The following GRM5 variants were observed in gnomAD, a reference collection of about 807,000 sequenced individuals.
GRM5 encodes the protein metabotropic glutamate receptor 5.
A neutral mutation model predicts 83.1 loss-of-function variants in GRM5; 19 were observed. The observed-to-expected ratio is 0.23, with a 90% CI of 0.16 to 0.34. The LOEUF is 0.34. Among genes scored for constraint, GRM5 ranks in the 10% least tolerant of loss-of-function variants. GRM5 has a pLI of 1.00. For missense variants in GRM5, 1,160 were observed against 1,588.3 expected (o/e 0.73, Z 4.58); for synonymous variants, 675 against 633.6 (o/e 1.07, Z -0.98).
chr11:89,031,087 C>T (rs1237004542), intron 2 of GRM5, among the ~76,000 whole-genome samples: 1 of 151,896 alleles, frequency 6.6e-6, no homozygotes. Context: ...TATATGGACA[C>T]ATTATATATT....
chr11:88,803,104 T>G (rs922593711), intron 3 of GRM5, among the ~76,000 whole-genome samples: 37 of 146,460 alleles, frequency 2.5e-4, no homozygotes, highest in African/African-American at 9.0e-4. Context: ...AAAATGGCCA[T>G]ACTGCCCAAG....
intron 3 of GRM5, among the ~76,000 whole-genome samples, chr11:88,671,074 C>A (rs1044930334): frequency 6.6e-5 from 10 of 152,000 alleles, no homozygotes; most frequent in Admixed American, 4.6e-4. Context: ...TAATAAAAAA[C>A]CATCTAAATC....
chr11:88,516,678 C>T (rs1050526803), intron 9 of GRM5, among the ~76,000 whole-genome samples: 9 of 151,506 alleles, frequency 5.9e-5, no homozygotes, highest in African/African-American at 1.7e-4. Flanking sequence ...TGTTTATTGT[C>T]AGTGAAGTCT....
At chr11:89,060,902 GTCT>G (rs1244800906) in intron 1 of GRM5, among the ~76,000 whole-genome samples, 5 of 152,040 alleles carry the variant, frequency 3.3e-5, no homozygotes, top group African/African-American at 9.7e-5. Context: ...TGATGCTCAT[GTCT>G]TCTTATGTTC....
At chr11:88,592,853 C>A (rs1937674186) in intron 6 of GRM5, among the ~76,000 whole-genome samples, 1 of 152,104 alleles carries the variant, frequency 6.6e-6, no homozygotes, top group Admixed American at 6.6e-5. Flanking sequence ...TGCATTGTTG[C>A]TTAGGCTGGG....
chr11:88,519,248 A>G (rs1320029654), intron 9 of GRM5, among the ~76,000 whole-genome samples: 1 of 151,888 alleles, frequency 6.6e-6, no homozygotes, highest in African/African-American at 2.4e-5. Flanking sequence ...GAAACACAGC[A>G]TGTCTTAAGT....
intron 2 of GRM5, among the ~76,000 whole-genome samples, chr11:88,853,640 C>T (rs1184029165): frequency 6.6e-6 from 1 of 151,772 alleles, no homozygotes; most frequent in East Asian, 1.9e-4. Flanking sequence ...AAAACTAAAA[C>T]ACTTTTTTTC....
chr11:88,614,589 G>C (rs548643212), intron 4 of GRM5, among the ~76,000 whole-genome samples: 1 of 152,070 alleles, frequency 6.6e-6, no homozygotes, highest in Non-Finnish European at 1.5e-5. Flanking sequence ...TTTTTAATTT[G>C]TAAATTAAAT....
At chr11:88,982,998 G>A (rs1410182040) in intron 2 of GRM5, among the ~76,000 whole-genome samples, 3 of 152,128 alleles carry the variant, frequency 2.0e-5, no homozygotes, top group African/African-American at 4.8e-5. Context: ...CCTGGGAGGC[G>A]GAGGTTGCAG....
At chr11:88,533,547 C>T (rs1193654691) in intron 8 of GRM5, among the ~76,000 whole-genome samples, 2 of 151,798 alleles carry the variant, frequency 1.3e-5, no homozygotes, top group African/African-American at 2.4e-5. Flanking sequence ...TCTGTTTTCC[C>T]CCAGTGGAAT....
At chr11:88,952,172 C>A (rs905954688) in intron 2 of GRM5, among the ~76,000 whole-genome samples, 1 of 152,032 alleles carries the variant, frequency 6.6e-6, no homozygotes, top group South Asian at 2.1e-4. Flanking sequence ...ATGTTCTCTG[C>A]GTTTTCTTTA....
chr11:88,961,866 G>A (rs1410412401), intron 2 of GRM5, among the ~76,000 whole-genome samples: 1 of 152,200 alleles, frequency 6.6e-6, no homozygotes, highest in African/African-American at 2.4e-5. Context: ...CCGGTGATCA[G>A]TGAAATGCTG....
At chr11:88,631,088 C>A (rs1456178943) in intron 4 of GRM5, among the ~76,000 whole-genome samples, 1 of 152,114 alleles carries the variant, frequency 6.6e-6, no homozygotes, top group Non-Finnish European at 1.5e-5. Flanking sequence ...CTAGGCCAAC[C>A]ATGAGGGCTG....
At chr11:89,027,748 GTATT>G (rs1301391821) in intron 2 of GRM5, among the ~76,000 whole-genome samples, 4 of 152,190 alleles carry the variant, frequency 2.6e-5, no homozygotes, top group Non-Finnish European at 5.9e-5. Context: ...AATTCAGTAT[GTATT>G]TATTTGACCT....
intron 2 of GRM5, among the ~76,000 whole-genome samples, chr11:88,947,149 G>GA (rs958703396): frequency 1.2e-4 from 18 of 151,732 alleles, no homozygotes; most frequent in East Asian, 5.8e-4. Flanking sequence ...TGAGAATTGT[G>GA]AAAAAAAAGA....
intron 2 of GRM5, among the ~76,000 whole-genome samples, chr11:88,971,563 T>A (rs1411536517): frequency 3.3e-5 from 5 of 152,152 alleles, no homozygotes; most frequent in African/African-American, 1.2e-4. Context: ...TTAGTCCACT[T>A]AGGATAATGG....
At chr11:88,612,474 T>C (rs1938350314) in intron 4 of GRM5, among the ~76,000 whole-genome samples, 1 of 152,126 alleles carries the variant, frequency 6.6e-6, no homozygotes, top group South Asian at 2.1e-4. Flanking sequence ...GCCCTTTGGG[T>C]ATATACCCAG....
At chr11:88,683,193 G>A (rs1011766906) in intron 3 of GRM5, among the ~76,000 whole-genome samples, 1 of 152,054 alleles carries the variant, frequency 6.6e-6, no homozygotes, top group African/African-American at 2.4e-5. Flanking sequence ...GGGGATCATT[G>A]TCCCCACAAG....
chr11:88,745,193 TTTTTC>T (rs1426532508), intron 3 of GRM5, among the ~76,000 whole-genome samples: 134 of 3,846 alleles, frequency 0.035, 2 homozygotes, highest in South Asian at 0.089. Context: ...TTTCTTTTTA[TTTTTC>T]TTTTTTTTTT....
Sources: allele counts gnomAD v4.1 joint callset (sites outside exome capture counted in the v4.1 genomes callset), GRCh38; gene constraint gnomAD v4.1.1; transcripts MANE v1.5; gene names NCBI Gene and HGNC (gene_info 2026-07-23, HGNC 2026-07-21).